UTS2B: variants seen among roughly 807,000 people sequenced by gnomAD.
UTS2B encodes urotensin-2B.
A neutral mutation model predicts 19.2 loss-of-function variants in UTS2B; 21 were observed. The ratio of observed to expected loss-of-function variants is 1.09; its 90% CI spans 0.78 to 1.58. UTS2B has a LOEUF of 1.58. Ranked by LOEUF, UTS2B falls within the 40% of genes most tolerant of loss-of-function variation. UTS2B has a pLI of 0.00. For synonymous variants in UTS2B, 57 were observed against 50.2 expected (o/e 1.14, Z -0.58); for missense variants, 138 against 130.3 (o/e 1.06, Z -0.29).
intron 2 of UTS2B, 149 bp from the exon 3 acceptor site, chr3:191,316,588 G>C (rs527286345): frequency 6.6e-6 from 1 of 152,176 alleles, no homozygotes; most frequent in African/African-American, 2.4e-5. Flanking sequence ...TGATTGGTCC[G>C]TTTTACAAAG....
chr3:191,274,596 TA>T (rs1716179385), intron 8 of UTS2B, among the ~76,000 whole-genome samples: 1 of 152,224 alleles, frequency 6.6e-6, no homozygotes, highest in Non-Finnish European at 1.5e-5. Flanking sequence ...GGTATATGTT[TA>T]GGGCTTAACA....
At chr3:191,297,909 G>A (rs1489723908) in intron 4 of UTS2B, among the ~76,000 whole-genome samples, 6 of 152,056 alleles carry the variant, frequency 3.9e-5, no homozygotes, top group South Asian at 2.1e-4. Context: ...AGTGTTCTTG[G>A]TCACCTGCTT....
intron 3 of UTS2B, among the ~76,000 whole-genome samples, chr3:191,314,787 C>T (rs1717401592): frequency 6.6e-6 from 1 of 152,182 alleles, no homozygotes; most frequent in African/African-American, 2.4e-5. Context: ...CATAATGAGG[C>T]TTCCATTGAA....
At chr3:191,305,698 T>C (rs1717118502) in intron 3 of UTS2B, among the ~76,000 whole-genome samples, 1 of 152,218 alleles carries the variant, frequency 6.6e-6, no homozygotes, top group African/African-American at 2.4e-5. Flanking sequence ...TTTTCTTTTG[T>C]TGCAGTTGCT....
At chr3:191,319,886 C>CT (rs34656108) in intron 2 of UTS2B, among the ~76,000 whole-genome samples, 12,537 of 142,942 alleles carry the variant, frequency 0.088, 623 homozygotes, top group Non-Finnish European at 0.12. Context: ...AAAAAAGCCA[C>CT]TTTTTTTTTT....
chr3:191,343,498 A>G, the UTS2B span, among the ~76,000 whole-genome samples: 3,981 of 152,358 alleles, frequency 0.026, 184 homozygotes, highest in African/African-American at 0.091. Flanking sequence ...ACGAAATTTT[A>G]TAAACCCATT....
chr3:191,311,303 G>A (rs766702714), intron 3 of UTS2B, among the ~76,000 whole-genome samples: 5 of 152,196 alleles, frequency 3.3e-5, no homozygotes, highest in African/African-American at 1.2e-4. Flanking sequence ...AAAATTATTC[G>A]ATATACTTGC....
intron 3 of UTS2B, among the ~76,000 whole-genome samples, chr3:191,305,161 T>TA (rs1187313907): frequency 6.6e-6 from 1 of 152,200 alleles, no homozygotes; most frequent in Non-Finnish European, 1.5e-5. Flanking sequence ...CAGAATGATT[T>TA]ATATGTTTTT....
chr3:191,328,771 A>G (rs1350345647), intron 1 of UTS2B, 62 bp from the exon 2 acceptor site: 2 of 152,230 alleles, frequency 1.3e-5, no homozygotes, highest in African/African-American at 4.8e-5. Context: ...TATAACAGAG[A>G]TAAGTCTGAC....
At chr3:191,299,460 G>C (rs939791802) in intron 4 of UTS2B, among the ~76,000 whole-genome samples, 1 of 152,220 alleles carries the variant, frequency 6.6e-6, no homozygotes, top group African/African-American at 2.4e-5. Context: ...TACAGCTCAG[G>C]CTGCTGCTTC....
chr3:191,316,850 C>T lies in UTS2B; in HGVS notation c.-585-411G>A, dbSNP rs568780063. Among the ~76,000 whole-genome samples, 35 of 152,294 alleles carry T rather than the reference C, an allele frequency of 2.3e-4. No individual in the cohort carries two copies. The South Asian group carries it at 5.4e-3, about 23-fold the overall frequency. On this transcript the variant is annotated intron_variant, in intron 2 of 8. Coordinates refer to ENST00000340524, the MANE Select transcript of UTS2B (RefSeq NM_198152.5). ...TGCTGATTGGTGCATCCACAAACCC[C>T]CAGCTAGACACTGAGTGCTGATTGG... is the stretch of plus-strand genomic sequence containing the variant.
chr3:191,297,549 A>G (rs1716887216), intron 4 of UTS2B, among the ~76,000 whole-genome samples: 1 of 152,194 alleles, frequency 6.6e-6, no homozygotes, highest in Non-Finnish European at 1.5e-5. Context: ...ATATTCTTGT[A>G]GCATAATATA....
At chr3:191,323,136 T>TTTATG (rs1717652318) in intron 2 of UTS2B, among the ~76,000 whole-genome samples, 1 of 148,942 alleles carries the variant, frequency 6.7e-6, no homozygotes, top group African/African-American at 2.5e-5. Context: ...GTGCTGTTAT[T>TTTATG]TTATTTTATT....
the UTS2B span, among the ~76,000 whole-genome samples, chr3:191,345,518 C>T: frequency 1.3e-5 from 2 of 152,072 alleles, no homozygotes; most frequent in Admixed American, 6.6e-5. Flanking sequence ...TTTCTCTTTC[C>T]CAATAAGTTA....
At chr3:191,329,881 T>C (rs1159647884) in intron 1 of UTS2B, among the ~76,000 whole-genome samples, 10 of 143,404 alleles carry the variant, frequency 7.0e-5, no homozygotes, top group Non-Finnish European at 1.5e-4. Context: ...ATTCAGGTTC[T>C]AGTGTGGGAC....
At chr3:191,304,064 G>A (rs1717072192) in intron 4 of UTS2B, among the ~76,000 whole-genome samples, 1 of 152,008 alleles carries the variant, frequency 6.6e-6, no homozygotes, top group Non-Finnish European at 1.5e-5. Context: ...CCGCCTCCTG[G>A]GCTCAAGAGA....
chr3:191,343,867 C>A, the UTS2B span, among the ~76,000 whole-genome samples: 1 of 152,320 alleles, frequency 6.6e-6, no homozygotes, highest in South Asian at 2.1e-4. Context: ...ATGTTGAATA[C>A]CTGGTTCACT....
intron 8 of UTS2B, chr3:191,273,428 G>A (rs144387446): frequency 4.6e-5 from 21 of 455,296 alleles, no homozygotes; most frequent in African/African-American, 8.0e-5. Flanking sequence ...GACTAATCCC[G>A]GCCAATGGAC....
At chr3:191,312,206 G>T (rs1026648115) in intron 3 of UTS2B, among the ~76,000 whole-genome samples, 24 of 150,482 alleles carry the variant, frequency 1.6e-4, no homozygotes, top group African/African-American at 5.4e-4. Context: ...CTTCACCAAC[G>T]CCAGGCTTCA....
Sources: allele counts gnomAD v4.1 joint callset (sites outside exome capture counted in the v4.1 genomes callset), GRCh38; gene constraint gnomAD v4.1.1; transcripts MANE v1.5; gene names NCBI Gene and HGNC (gene_info 2026-07-23, HGNC 2026-07-21).